PTPN12: variants seen among roughly 807,000 people sequenced by gnomAD.
The protein encoded by PTPN12 is protein tyrosine phosphatase non-receptor type 12, also known as tyrosine-protein phosphatase non-receptor type 12.
Under a neutral mutation model 97.6 loss-of-function variants are expected in PTPN12, and 29 were observed. The ratio of observed to expected loss-of-function variants is 0.30; its 90% CI spans 0.22 to 0.41. The LOEUF is 0.41. Among genes scored for constraint, PTPN12 ranks in the 10% least tolerant of loss-of-function variants. The pLI, the probability that PTPN12 is intolerant of heterozygous loss-of-function variation, is 1.00. For synonymous variants in PTPN12, 327 were observed against 300.4 expected, an observed-to-expected ratio of 1.09 and a Z score of -0.91; for missense variants, 819 against 926.0, an observed-to-expected ratio of 0.88 and a Z score of 1.50.
At chr7:77,630,073 A>G (rs898778478) in intron 13 of PTPN12, among the ~76,000 whole-genome samples, 7 of 152,198 alleles carry the variant, frequency 4.6e-5, no homozygotes, top group Middle Eastern at 3.4e-3. Flanking sequence ...TTTTTACTCA[A>G]CCTTAACTAT....
intron 1 of PTPN12, among the ~76,000 whole-genome samples, chr7:77,564,414 T>A (rs1808137993): frequency 6.6e-6 from 1 of 152,138 alleles, no homozygotes; most frequent in East Asian, 1.9e-4. Context: ...CAGTTAAAAT[T>A]TTCAAATATA....
intron 11 of PTPN12, among the ~76,000 whole-genome samples, chr7:77,614,983 A>G (rs1329365583): frequency 1.3e-5 from 2 of 152,228 alleles, no homozygotes; most frequent in African/African-American, 2.4e-5. Context: ...AGAGATATTT[A>G]TAACTACAGT....
At chr7:77,571,836 G>A in intron 2 of PTPN12, among the ~76,000 whole-genome samples, 1 of 152,060 alleles carries the variant, frequency 6.6e-6, no homozygotes, top group East Asian at 1.9e-4. Context: ...GTGATTACAG[G>A]TGTGAGCCAC....
At chr7:77,628,635 C>T (rs1789287206) in intron 13 of PTPN12, among the ~76,000 whole-genome samples, 2 of 150,546 alleles carry the variant, frequency 1.3e-5, no homozygotes, top group Admixed American at 1.3e-4. Context: ...GGCTAGAGTG[C>T]AGTGGCAAGA....
At chr7:77,558,431 A>T (rs1462081487) in intron 1 of PTPN12, among the ~76,000 whole-genome samples, 1 of 152,186 alleles carries the variant, frequency 6.6e-6, no homozygotes. Flanking sequence ...ATATGTGCAT[A>T]AAATAGTATG....
At chr7:77,542,505 A>G (rs1013474768) in intron 1 of PTPN12, among the ~76,000 whole-genome samples, 3 of 152,194 alleles carry the variant, frequency 2.0e-5, no homozygotes, top group African/African-American at 4.8e-5. Flanking sequence ...TTGAAATATA[A>G]GAAGTGAGAT....
intron 1 of PTPN12, among the ~76,000 whole-genome samples, chr7:77,559,874 T>C (rs1031383896): frequency 1.3e-5 from 2 of 152,224 alleles, no homozygotes; most frequent in Admixed American, 1.3e-4. Context: ...CAGTGAATTA[T>C]AATCTTGGGT....
At chr7:77,592,575 T>G (rs577177992) in intron 6 of PTPN12, among the ~76,000 whole-genome samples, 1 of 152,158 alleles carries the variant, frequency 6.6e-6, no homozygotes, top group Non-Finnish European at 1.5e-5. Context: ...TCATTTCAAA[T>G]TGATTAAATG....
At chr7:77,591,994 G>A (rs1787881656) in intron 5 of PTPN12, among the ~76,000 whole-genome samples, 191 bp from the exon 6 acceptor site, 1 of 152,108 alleles carries the variant, frequency 6.6e-6, no homozygotes, top group Non-Finnish European at 1.5e-5. Flanking sequence ...GACTATTCTT[G>A]GAGAAGACAC....
intron 1 of PTPN12, among the ~76,000 whole-genome samples, chr7:77,557,968 T>C (rs961070148): frequency 6.6e-6 from 1 of 152,036 alleles, no homozygotes; most frequent in Non-Finnish European, 1.5e-5. Context: ...TCTAGCACTT[T>C]GGGAGGCTGA....
Position 77,569,794 on chromosome 7 carries a change from G to A in PTPN12, c.100-1284G>A, listed in dbSNP as rs543203261. On this transcript the variant is annotated intron_variant, in intron 1 of 17. Transcript: ENST00000248594. ...TCAAAACAAACAAACAAAGTGCTGT[G>A]GTATGTAACTTTGAATATAAATCAT... Among the ~76,000 whole-genome samples, 5 of 152,106 alleles carry A rather than the reference G, an allele frequency of 3.3e-5. No homozygotes were observed. In the South Asian group the frequency reaches 1.0e-3, roughly 32 times the overall value.
In PTPN12 at chr7:77,621,771, C is replaced by T. The variant is rs560926147; in HGVS notation, c.1025+3206C>T. Among the ~76,000 whole-genome samples, 5 of 152,290 alleles carry T rather than the reference C, an allele frequency of 3.3e-5. No individual in the cohort carries two copies. In the East Asian group the frequency reaches 7.7e-4, roughly 23 times the overall value. On this transcript the variant is annotated intron_variant, in intron 12 of 17. Coordinates refer to ENST00000248594, the MANE Select transcript of PTPN12 (RefSeq NM_002835.4). The stretch of plus-strand genomic sequence containing the variant: ...ATGTGCTGTGCTTTTATATGACTGA[C>T]AGCATAGTAGCTTTGTTTATACCAG...
rs199567759 is a variant in PTPN12, at chr7:77,555,218, C to CT, written c.100-15846dup. 9.2e-3 allele frequency among the ~76,000 whole-genome samples: 1,276 copies of CT among 138,440 alleles called. 12 individuals carry two copies. The highest frequency in any genetic ancestry group is 0.026 in the African/African-American group (972 of 38,028). The allele number at this position is 138,440 out of a possible 152,430, so 90.8% of individuals were successfully genotyped here. A position where few individuals can be genotyped will look rare whatever the true frequency, so the allele number is the denominator to read the frequency against. On this transcript the variant is annotated intron_variant, in intron 1 of 17. Transcript: ENST00000248594. ...CTGGCTTTTTAAACGATTTGTTTATCTTTTTTTTTTTTTTGTAGTTTGAAA... is the reference window on the plus strand; with the variant it reads ...CTGGCTTTTTAAACGATTTGTTTATCTTTTTTTTTTTTTTTGTAGTTTGAAA...
chr7:77,555,002 T>C (rs1236378961), intron 1 of PTPN12, among the ~76,000 whole-genome samples: 1 of 152,212 alleles, frequency 6.6e-6, no homozygotes. Context: ...TTTTTGTTTG[T>C]TGAGAAAGTT....
At chr7:77,542,350 C>G (rs2151294046) in intron 1 of PTPN12, among the ~76,000 whole-genome samples, 1 of 152,272 alleles carries the variant, frequency 6.6e-6, no homozygotes, top group Non-Finnish European at 1.5e-5. Flanking sequence ...CCTTCACTTA[C>G]TTAGATAGGT....
At chr7:77,559,865 A>G (rs1807918764) in intron 1 of PTPN12, among the ~76,000 whole-genome samples, 1 of 152,250 alleles carries the variant, frequency 6.6e-6, no homozygotes, top group Non-Finnish European at 1.5e-5. Context: ...TCTGTGAGGC[A>G]GTGAATTATA....
intron 12 of PTPN12, among the ~76,000 whole-genome samples, chr7:77,625,891 AT>A (rs1311839350): frequency 1.3e-5 from 2 of 152,018 alleles, no homozygotes; most frequent in African/African-American, 4.8e-5. Context: ...AAGGAAAAAA[AT>A]AAAGGCAACT....
intron 1 of PTPN12, among the ~76,000 whole-genome samples, chr7:77,549,866 G>A (rs1199060448): frequency 6.6e-6 from 1 of 151,998 alleles, no homozygotes; most frequent in Non-Finnish European, 1.5e-5. Flanking sequence ...AGGTGTGAGC[G>A]ACTGTGCCTG....
chr7:77,583,831 G>A, intron 4 of PTPN12, 181 bp downstream of exon 4: 1 of 453,098 alleles, frequency 2.2e-6, no homozygotes, highest in Non-Finnish European at 3.9e-6. Flanking sequence ...TACAAACTAG[G>A]CTAAATATTT....
Sources: allele counts gnomAD v4.1 joint callset (sites outside exome capture counted in the v4.1 genomes callset), GRCh38; gene constraint gnomAD v4.1.1; transcripts MANE v1.5; gene names NCBI Gene and HGNC (gene_info 2026-07-23, HGNC 2026-07-21).